The following LSAMP variants were observed in gnomAD, a reference collection of about 807,000 sequenced individuals.
LSAMP encodes limbic system associated membrane protein.
Under a neutral mutation model 38.6 loss-of-function variants are expected in LSAMP, and 7 were observed. The ratio of observed to expected loss-of-function variants is 0.18; its 90% CI spans 0.10 to 0.34. The LOEUF (loss-of-function observed/expected upper bound fraction) is 0.34, where lower values mean the gene tolerates loss of function less well. Among genes scored for constraint, LSAMP ranks in the 10% least tolerant of loss-of-function variants. The pLI is 1.00. For synonymous variants in LSAMP, 154 were observed against 166.8 expected (o/e 0.92, Z 0.59); for missense variants, 313 against 420.0 (o/e 0.75, Z 2.23).
In LSAMP at chr3:116,145,661, C is replaced by T. The variant is rs547272733; in HGVS notation, c.156-59105G>A. On this transcript the variant is annotated intron_variant, in intron 1 of 6. Coordinates refer to ENST00000490035, the MANE Select transcript of LSAMP (RefSeq NM_002338.5). ...TTAACCAAGCAACTAAATACTGTAG[C>T]CTAGCCAAATAGACACCATAAATTA... 2.4e-3 allele frequency among the ~76,000 whole-genome samples: 368 copies of T among 151,954 alleles called. 4 individuals are homozygous for T. Among genetic ancestry groups the T allele is most frequent in the African/African-American group, 8.5e-3 (352 of 41,502 alleles).
chr3:116,295,262 C>T (rs899148751), intron 1 of LSAMP, among the ~76,000 whole-genome samples: 2 of 152,146 alleles, frequency 1.3e-5, no homozygotes, highest in African/African-American at 4.8e-5. Context: ...TGAGGGGAGC[C>T]TCTTTTTGCT....
chr3:116,402,579 C>G (rs1252865535), intron 1 of LSAMP, among the ~76,000 whole-genome samples: 1 of 151,990 alleles, frequency 6.6e-6, no homozygotes, highest in African/African-American at 2.4e-5. Flanking sequence ...AATTAATTCA[C>G]TATTTATTGG....
At chr3:116,225,511 A>G (rs2046332720) in intron 1 of LSAMP, among the ~76,000 whole-genome samples, 3 of 152,206 alleles carry the variant, frequency 2.0e-5, no homozygotes, top group Admixed American at 1.3e-4. Flanking sequence ...CCAGGAAACT[A>G]ATACAACCCT....
intron 1 of LSAMP, among the ~76,000 whole-genome samples, chr3:116,168,267 G>A (rs1386837971): frequency 6.6e-6 from 1 of 152,072 alleles, no homozygotes. Context: ...AGGTATAAGA[G>A]ATGATATCCC....
chr3:116,060,723 G>A (rs1455696737), intron 2 of LSAMP, among the ~76,000 whole-genome samples: 2 of 152,060 alleles, frequency 1.3e-5, no homozygotes, highest in African/African-American at 2.4e-5. Flanking sequence ...TAGTGCCATC[G>A]TACTCCAGCC....
intron 3 of LSAMP, among the ~76,000 whole-genome samples, chr3:115,864,259 G>A (rs1161005234): frequency 1.3e-5 from 2 of 152,032 alleles, no homozygotes; most frequent in Admixed American, 6.6e-5. Context: ...TCCATGGCAC[G>A]TTGCCTGATT....
At chr3:116,321,704 A>G (rs2047709087) in intron 1 of LSAMP, among the ~76,000 whole-genome samples, 1 of 152,158 alleles carries the variant, frequency 6.6e-6, no homozygotes, top group South Asian at 2.1e-4. Flanking sequence ...TCTGACACAC[A>G]AACTCACACA....
Position 115,806,381 on chromosome 3 carries a change from A to G in LSAMP, c.*3936T>C, listed in dbSNP as rs1043180219. The G allele has an allele frequency of 6.6e-6, 1 of 152,224 alleles. No individual in the cohort carries two copies. The highest frequency in any genetic ancestry group is 2.4e-5 in the African/African-American group (1 of 41,458). The allele number at this position is 152,224 out of a possible 1,614,324, so 9.4% of individuals were successfully genotyped here. ...AAATAATTCGAGCCCTGCAAAGAAC[A>G]AAATGAAAAATTCAGGGAGAATAGC... On this transcript the variant is annotated 3_prime_UTR_variant, in exon 7 of 7. Coordinates refer to ENST00000490035, the MANE Select transcript of LSAMP (RefSeq NM_002338.5).
intron 3 of LSAMP, among the ~76,000 whole-genome samples, chr3:116,014,760 C>T (rs1327892267): frequency 1.3e-5 from 2 of 152,156 alleles, no homozygotes; most frequent in African/African-American, 4.8e-5. Flanking sequence ...TTCTAACATG[C>T]TAACTTGAAG....
intron 1 of LSAMP, among the ~76,000 whole-genome samples, chr3:116,427,145 G>A (rs1194152338): frequency 4.3e-5 from 5 of 116,172 alleles, no homozygotes; most frequent in Non-Finnish European, 8.1e-5. Context: ...ACGGAGTCTC[G>A]CTCTGTCGCC....
chr3:116,015,134 T>G (rs1940439769), intron 3 of LSAMP, among the ~76,000 whole-genome samples: 1 of 152,194 alleles, frequency 6.6e-6, no homozygotes, highest in Non-Finnish European at 1.5e-5. Flanking sequence ...AGATCTGGTT[T>G]GTGGCTGAAA....
intron 1 of LSAMP, among the ~76,000 whole-genome samples, chr3:116,279,113 T>C (rs1363094140): frequency 1.3e-5 from 2 of 152,182 alleles, no homozygotes; most frequent in Non-Finnish European, 2.9e-5. Context: ...CATTCACCAA[T>C]TTTTCAATCC....
At chr3:116,340,130 T>A (rs1240462681) in intron 1 of LSAMP, among the ~76,000 whole-genome samples, 1 of 152,048 alleles carries the variant, frequency 6.6e-6, no homozygotes, top group African/African-American at 2.4e-5. Flanking sequence ...ATCATTCTGT[T>A]AAAACGTGTG....
intron 3 of LSAMP, among the ~76,000 whole-genome samples, chr3:115,972,100 T>C (rs1243625520): frequency 2.0e-5 from 3 of 152,114 alleles, no homozygotes; most frequent in Non-Finnish European, 4.4e-5. Context: ...GCTATAATTA[T>C]AGACATCTCC....
intron 2 of LSAMP, among the ~76,000 whole-genome samples, chr3:116,074,880 G>C (rs1031734699): frequency 1.8e-5 from 2 of 109,834 alleles, no homozygotes; most frequent in Non-Finnish European, 3.6e-5. Flanking sequence ...TTTCACTCTT[G>C]TTGCCCAGGC....
chr3:116,001,754 C>A (rs1209409294), intron 3 of LSAMP, among the ~76,000 whole-genome samples: 2 of 152,204 alleles, frequency 1.3e-5, no homozygotes, highest in Non-Finnish European at 2.9e-5. Context: ...TCACTTCCAT[C>A]TTCACATTCC....
intron 3 of LSAMP, among the ~76,000 whole-genome samples, chr3:115,919,668 G>A (rs530709082): frequency 2.0e-5 from 3 of 152,152 alleles, no homozygotes; most frequent in Non-Finnish European, 4.4e-5. Context: ...CTGGAGTGCA[G>A]TGGCGCGATC....
intron 4 of LSAMP, 66 bp downstream of exon 4, chr3:115,852,417 T>C: frequency 6.6e-7 from 1 of 1,519,522 alleles, no homozygotes; most frequent in Non-Finnish European, 8.8e-7. Context: ...ATGGAATCTT[T>C]AGAGCTCACT....
chr3:115,995,441 T>A (rs144282339), intron 3 of LSAMP, among the ~76,000 whole-genome samples: 2 of 152,092 alleles, frequency 1.3e-5, no homozygotes, highest in Non-Finnish European at 2.9e-5. Context: ...CAGGGAATAT[T>A]TGTTGATGAT....
Sources: gnomAD v4.1 joint callset for allele counts (sites outside exome capture counted in the v4.1 genomes callset) on GRCh38, gnomAD v4.1.1 for gene constraint, MANE v1.5 for transcripts, NCBI Gene and HGNC (gene_info 2026-07-23, HGNC 2026-07-21) for gene names.